The following IGSF11 variants were observed in gnomAD, a reference collection of about 807,000 sequenced individuals.
IGSF11 encodes the protein CXADR like 1.
A neutral mutation model predicts 41.0 loss-of-function variants in IGSF11; 22 were observed. The observed-to-expected ratio is 0.54, with a 90% CI of 0.38 to 0.77. IGSF11 has a LOEUF of 0.77. IGSF11 is among the 30% of genes least tolerant of loss of function. IGSF11 has a pLI of 0.00. For synonymous variants in IGSF11, 219 were observed against 201.3 expected (o/e 1.09, Z -0.74); for missense variants, 444 against 530.8 (o/e 0.84, Z 1.61).
chr3:118,914,414 C>T (rs1038676447), intron 4 of IGSF11, among the ~76,000 whole-genome samples: 6 of 151,326 alleles, frequency 4.0e-5, no homozygotes, highest in Non-Finnish European at 5.9e-5. Context: ...GTGTGCGAGC[C>T]GAAGCAGGGC....
chr3:119,119,272 T>A (rs551097727), intron 1 of IGSF11, among the ~76,000 whole-genome samples: 48 of 152,290 alleles, frequency 3.2e-4, no homozygotes, highest in African/African-American at 1.2e-3. Context: ...AACTTCCACA[T>A]GGCCAGGGAA....
chr3:119,085,234 C>T (rs1296858355), intron 1 of IGSF11, among the ~76,000 whole-genome samples: 1 of 152,136 alleles, frequency 6.6e-6, no homozygotes, highest in Non-Finnish European at 1.5e-5. Flanking sequence ...AACAACCTGT[C>T]GCCCATTGTC....
At position 118,965,415 on chromosome 3, in the gene IGSF11, T is replaced by C. The variant is rs1033818212; in HGVS notation, c.53-35140A>G. On this transcript the variant is annotated intron_variant, in intron 1 of 6. Transcript: ENST00000393775. ...TTAACTATGTGATGAGCATCTAAAA[T>C]GTGTCAGGAATTAATAAATAAAAGA... 3.3e-5 allele frequency among the ~76,000 whole-genome samples: 5 copies of C among 152,142 alleles called. 1 individual carries two copies. Among genetic ancestry groups the C allele is most frequent in the East Asian group, 1.9e-4 (1 of 5,184 alleles).
chr3:119,034,262 G>C (rs1940700451), intron 1 of IGSF11, among the ~76,000 whole-genome samples: 1 of 152,240 alleles, frequency 6.6e-6, no homozygotes, highest in African/African-American at 2.4e-5. Flanking sequence ...GCGCAGCGAG[G>C]TGAGAGTCAG....
upstream of IGSF11, among the ~76,000 whole-genome samples, chr3:119,036,697 CAAA>C (rs59651814): frequency 6.8e-6 from 1 of 147,586 alleles, no homozygotes; most frequent in Admixed American, 6.7e-5. Flanking sequence ...AAGGTTAAAC[CAAA>C]AAAAAAAAAA....
upstream of IGSF11, among the ~76,000 whole-genome samples, chr3:119,036,444 A>C (rs1940907037): frequency 6.6e-6 from 1 of 152,200 alleles, no homozygotes; most frequent in African/African-American, 2.4e-5. Context: ...TATAAGAGTA[A>C]GCAATATAAG....
chr3:118,930,021 C>T (rs1942710498), intron 2 of IGSF11, 91 bp downstream of exon 2: 13 of 1,338,532 alleles, frequency 9.7e-6, no homozygotes, highest in Admixed American at 2.2e-5. Context: ...ACCTTATTCT[C>T]GAAACCAAAG....
intron 4 of IGSF11, among the ~76,000 whole-genome samples, chr3:118,907,103 C>A (rs895704436): frequency 5.3e-5 from 8 of 152,126 alleles, no homozygotes; most frequent in Non-Finnish European, 1.0e-4. Flanking sequence ...GACACAAAGT[C>A]CAAGTATGCC....
At chr3:119,042,277 G>A (rs901870892) in intron 1 of IGSF11, among the ~76,000 whole-genome samples, 1 of 152,236 alleles carries the variant, frequency 6.6e-6, no homozygotes, top group Non-Finnish European at 1.5e-5. Flanking sequence ...GGTGAAGGAA[G>A]CTCATAGTGC....
At chr3:119,076,665 T>G (rs936170648) in intron 1 of IGSF11, among the ~76,000 whole-genome samples, 3 of 152,206 alleles carry the variant, frequency 2.0e-5, no homozygotes, top group African/African-American at 7.2e-5. Context: ...GAAAAAATGC[T>G]CATCATCACT....
chr3:119,092,048 G>C (rs2076771774), intron 1 of IGSF11, among the ~76,000 whole-genome samples: 1 of 149,728 alleles, frequency 6.7e-6, no homozygotes, highest in African/African-American at 2.5e-5. Flanking sequence ...GTCTCACCCT[G>C]TCACTCAGAT....
At chr3:119,013,604 A>C (rs1251462764) in intron 1 of IGSF11, among the ~76,000 whole-genome samples, 1 of 152,276 alleles carries the variant, frequency 6.6e-6, no homozygotes, top group Non-Finnish European at 1.5e-5. Context: ...TCGACTAATA[A>C]ATGTGGGCCA....
intron 1 of IGSF11, among the ~76,000 whole-genome samples, chr3:118,955,955 G>A (rs916205340): frequency 4.6e-5 from 7 of 152,138 alleles, no homozygotes; most frequent in Non-Finnish European, 1.0e-4. Context: ...AAAATCTGTT[G>A]TTTAGTATAT....
chr3:119,045,842 C>T (rs1287666154), intron 1 of IGSF11, among the ~76,000 whole-genome samples: 11 of 151,888 alleles, frequency 7.2e-5, no homozygotes, highest in African/African-American at 2.7e-4. Flanking sequence ...GACCCCTGAC[C>T]CCCGAGCAGC....
chr3:119,050,731 G>T (rs1941586455), intron 1 of IGSF11, among the ~76,000 whole-genome samples: 1 of 151,808 alleles, frequency 6.6e-6, no homozygotes, highest in Non-Finnish European at 1.5e-5. Flanking sequence ...CAATAGCAAA[G>T]ACTTGGAACC....
chr3:119,032,384 G>C (rs1365360890), intron 1 of IGSF11, among the ~76,000 whole-genome samples: 1 of 152,186 alleles, frequency 6.6e-6, no homozygotes, highest in Non-Finnish European at 1.5e-5. Flanking sequence ...CCTGGAGACA[G>C]GTATGCTAGC....
At chr3:119,021,583 T>C (rs1939292619) in intron 1 of IGSF11, among the ~76,000 whole-genome samples, 1 of 152,026 alleles carries the variant, frequency 6.6e-6, no homozygotes, top group African/African-American at 2.4e-5. Flanking sequence ...TAAGACCACA[T>C]CTTATCTACC....
intron 1 of IGSF11, among the ~76,000 whole-genome samples, chr3:118,979,996 A>T (rs1175519742): frequency 2.6e-5 from 4 of 152,184 alleles, no homozygotes; most frequent in Admixed American, 2.0e-4. Context: ...TCTATTAATT[A>T]AAAAAAGCAA....
intron 1 of IGSF11, among the ~76,000 whole-genome samples, chr3:119,033,133 A>C (rs1481718139): frequency 1.3e-5 from 2 of 152,244 alleles, no homozygotes; most frequent in Non-Finnish European, 2.9e-5. Context: ...TAATAATTCA[A>C]AAACAAACTA....
Sources: allele counts gnomAD v4.1 joint callset (sites outside exome capture counted in the v4.1 genomes callset), GRCh38; gene constraint gnomAD v4.1.1; transcripts MANE v1.5; gene names NCBI Gene and HGNC (gene_info 2026-07-23, HGNC 2026-07-21).